TTL: variants seen among roughly 807,000 people sequenced by gnomAD.
TTL encodes tubulin tyrosine ligase, also known as tubulin--tyrosine ligase.
TTL carries 10 observed loss-of-function variants against 41.1 expected under a neutral mutation model. That is an observed-to-expected ratio of 0.24 (90% CI 0.15 to 0.41). The LOEUF is 0.41. TTL is among the 10% of genes least tolerant of loss of function. The probability of loss-of-function intolerance (pLI) is 1.00; values close to 1 mark genes in which losing one functional copy is unlikely to be tolerated. For missense variants in TTL, 367 were observed against 460.4 expected, an observed-to-expected ratio of 0.80 and a Z score of 1.86; for synonymous variants, 175 against 175.5, an observed-to-expected ratio of 1.00 and a Z score of 0.02.
At position 112,534,001 on chromosome 2, in the gene TTL, T is replaced by C. The variant is rs1236409526; in HGVS notation, c.*5206T>C. On this transcript the variant is annotated 3_prime_UTR_variant, in exon 7 of 7. Coordinates refer to ENST00000233336, the MANE Select transcript of TTL (RefSeq NM_153712.5). ...TCTTCCATAAAAGCAATGAGAACAC[T>C]AGCAAAACTGTCTAGACATTAACCA... 6.6e-6 allele frequency: 1 copy of C among 152,046 alleles called. No homozygotes were observed. Among genetic ancestry groups the C allele is most frequent in the Non-Finnish European group, 1.5e-5 (1 of 68,010 alleles). 9.4% of individuals were successfully genotyped at this position (152,046 alleles called of 1,614,324 possible). A position where few individuals can be genotyped will look rare whatever the true frequency, so the allele number is the denominator to read the frequency against.
intron 5 of TTL, among the ~76,000 whole-genome samples, chr2:112,513,090 T>C (rs1681967317): frequency 6.6e-6 from 1 of 152,088 alleles, no homozygotes; most frequent in African/African-American, 2.4e-5. Context: ...GTTCACTAAC[T>C]CTTGCCCTCT....
rs1212649407 is a variant in TTL, at chr2:112,541,161, C to T, written c.*12366C>T. 2 of 151,914 alleles carry T rather than the reference C, an allele frequency of 1.3e-5. No homozygotes were observed. Among genetic ancestry groups the T allele is most frequent in the Non-Finnish European group, 2.9e-5 (2 of 68,010 alleles). 9.4% of individuals were successfully genotyped at this position (151,914 alleles called of 1,614,324 possible). On this transcript the variant is annotated 3_prime_UTR_variant, in exon 7 of 7. Transcript: ENST00000233336. ...AAATTTTTTTTTAAATCCTCATGAC[C>T]TTGGATTACACAATGATGTCTTAGA... is the stretch of plus-strand genomic sequence containing the variant.
intron 5 of TTL, among the ~76,000 whole-genome samples, chr2:112,513,368 C>A (rs955831199): frequency 1.3e-5 from 2 of 151,974 alleles, no homozygotes; most frequent in Non-Finnish European, 2.9e-5. Context: ...GGTATCATTT[C>A]CCTTCAGACT....
chr2:112,512,074 A>G (rs1397889338), intron 5 of TTL, among the ~76,000 whole-genome samples: 7 of 151,410 alleles, frequency 4.6e-5, no homozygotes, highest in Non-Finnish European at 4.4e-5. Flanking sequence ...TGGGTTTTGT[A>G]TTTGTATTTA....
At chr2:112,491,349 T>C (rs558492190) in intron 2 of TTL, among the ~76,000 whole-genome samples, 85 of 152,322 alleles carry the variant, frequency 5.6e-4, no homozygotes, top group African/African-American at 1.9e-3. Context: ...TTGGAAATCC[T>C]TTGAGGCAAA....
chr2:112,485,591 G>A (rs1256142296), intron 1 of TTL, among the ~76,000 whole-genome samples: 3 of 152,154 alleles, frequency 2.0e-5, no homozygotes, highest in African/African-American at 4.8e-5. Flanking sequence ...AGCCAGGAGC[G>A]GAATGCAGTG....
rs760387324 is a variant in TTL, at chr2:112,485,921, C to G, written c.162C>G (p.His54Gln). 6.2e-7 allele frequency: 1 copy of G among 1,611,926 alleles called. No individual in the cohort carries two copies. Among genetic ancestry groups the G allele is most frequent in the African/African-American group, 1.4e-5 (1 of 73,140 alleles). ...RNRLPFGRLG[H>Q]EPGLVQLVNY... is the part of the protein sequence containing the mutation. ...AGCCTCCTCTTTCCTTCCTAGGTCA[C>G]GAGCCCGGGCTGGTACAGTTGGTGA... Residue 54 changes from histidine to glutamine, a missense_variant, in exon 2 of 7, where the codon CAC (histidine) becomes CAG (glutamine). Coordinates refer to ENST00000233336, the MANE Select transcript of TTL (RefSeq NM_153712.5).
In TTL at chr2:112,512,970, T is replaced by G. The variant is rs1027433211; in HGVS notation, c.876-7312T>G. ...TTCTTTTATTTTTTTTTAGTGCTTT[T>G]TTTTTTAGTGCTTGCTCTAGGAATT... On this transcript the variant is annotated intron_variant, in intron 5 of 6. Transcript: ENST00000233336. Among the ~76,000 whole-genome samples, 3 of 152,042 alleles carry G rather than the reference T, an allele frequency of 2.0e-5. No homozygotes were observed. The East Asian group carries it at 5.8e-4, about 29-fold the overall frequency.
In TTL at chr2:112,532,197, C is replaced by A; in HGVS notation, c.*3402C>A. ...AGCAAGGGGAGGTCCAGCCCTCTTG[C>A]AAGTGTGGTGAGAGGCTCTACTAGC... On this transcript the variant is annotated 3_prime_UTR_variant, in exon 7 of 7. Coordinates refer to ENST00000233336, the MANE Select transcript of TTL (RefSeq NM_153712.5). 4.4e-6 allele frequency: 1 copy of A among 226,748 alleles called. No homozygotes were observed. Among genetic ancestry groups the A allele is most frequent in the Non-Finnish European group, 8.8e-6 (1 of 114,068 alleles). The allele number at this position is 226,748 out of a possible 1,614,324, so 14.0% of individuals were successfully genotyped here.
Position 112,525,831 on chromosome 2 carries a change from G to T in TTL, c.1020-2850G>T, listed in dbSNP as rs543907627. Among the ~76,000 whole-genome samples, 9 of 152,262 alleles carry T rather than the reference G, an allele frequency of 5.9e-5. No homozygotes were observed. In the East Asian group the frequency reaches 1.7e-3, roughly 29 times the overall value. The stretch of plus-strand genomic sequence containing the variant: ...AGAACTTCCAACACTATGTTGAATA[G>T]GAGTGGTGAGAGAGGGCATCCCTGT... On this transcript the variant is annotated intron_variant, in intron 6 of 6. Transcript: ENST00000233336.
chr2:112,484,743 A>T (rs1339048359), intron 1 of TTL, among the ~76,000 whole-genome samples: 1 of 152,212 alleles, frequency 6.6e-6, no homozygotes, highest in African/African-American at 2.4e-5. Flanking sequence ...GAATGTAGGC[A>T]GTTCAGGTGG....
intron 5 of TTL, among the ~76,000 whole-genome samples, chr2:112,509,654 TG>T (rs1281673357): frequency 2.0e-5 from 3 of 152,194 alleles, no homozygotes; most frequent in Non-Finnish European, 1.5e-5. Context: ...GGTGAGGCAA[TG>T]CCTCGCCCTG....
chr2:112,489,197 C>T (rs558954743), intron 2 of TTL, among the ~76,000 whole-genome samples: 3 of 152,176 alleles, frequency 2.0e-5, no homozygotes, highest in East Asian at 1.9e-4. Context: ...TTATATTTTA[C>T]GTTCTTTTAT....
Position 112,502,957 on chromosome 2 carries a change from A to G in TTL, c.651A>G (p.Arg217=), listed in dbSNP as rs1681741328. 1.9e-6 allele frequency: 3 copies of G among 1,613,942 alleles called. No individual in the cohort carries two copies. Among genetic ancestry groups the G allele is most frequent in the Admixed American group, 1.7e-5 (1 of 59,984 alleles). The change falls in exon 5 of 7, where the codon AGA becomes AGG. Residue 217 remains arginine (R), a synonymous_variant. Transcript: ENST00000233336. ...ATCAGTATAATATCTACCTCTATAGAGAGGGTGTGCTTCGGACTGCTTCAG... is the reference window on the plus strand; with the variant it reads ...ATCAGTATAATATCTACCTCTATAGGGAGGGTGTGCTTCGGACTGCTTCAG... ...VDHQYNIYLY[R]EGVLRTASEP...
At chr2:112,509,897 G>T (rs1028132699) in intron 5 of TTL, among the ~76,000 whole-genome samples, 1 of 152,186 alleles carries the variant, frequency 6.6e-6, no homozygotes, top group Admixed American at 6.5e-5. Flanking sequence ...GCCTCCCAAA[G>T]TGCTGGGATT....
At position 112,482,246 on chromosome 2, in the gene TTL, C is replaced by A. The variant is rs908947739; in HGVS notation, c.-99C>A. Reference sequence around the variant, plus strand: ...GCCGGCGCGGGCGGCGGGGGCCGGGCCGCGGCGGGCGCCCGGGCGGGGTCC... The same window carrying A: ...GCCGGCGCGGGCGGCGGGGGCCGGGACGCGGCGGGCGCCCGGGCGGGGTCC... On this transcript the variant is annotated 5_prime_UTR_variant, in exon 1 of 7. Transcript: ENST00000233336. This position sits in a 1 kb window ranked among gnomAD's most constrained non-coding sequence, Gnocchi z 5.3. 51 of 901,124 alleles carry A rather than the reference C, an allele frequency of 5.7e-5. No individual in the cohort carries two copies. Among genetic ancestry groups the A allele is most frequent in the Middle Eastern group, 5.6e-4 (1 of 1,800 alleles). The allele number at this position is 901,124 out of a possible 1,614,324, so 55.8% of individuals were successfully genotyped here. A position where few individuals can be genotyped will look rare whatever the true frequency, so the allele number is the denominator to read the frequency against.
intron 5 of TTL, among the ~76,000 whole-genome samples, chr2:112,503,399 G>GTA (rs891235981): frequency 3.2e-5 from 4 of 125,464 alleles, no homozygotes; most frequent in Admixed American, 2.4e-4. Context: ...GTGTGTGTGT[G>GTA]TGTGTATATA....
At chr2:112,526,479 T>C (rs1378578602) in intron 6 of TTL, among the ~76,000 whole-genome samples, 1 of 152,258 alleles carries the variant, frequency 6.6e-6, no homozygotes, top group East Asian at 1.9e-4. Flanking sequence ...GTTATTGGTC[T>C]ATTCAGGGAT....
intron 3 of TTL, among the ~76,000 whole-genome samples, chr2:112,499,097 G>A (rs1681618229): frequency 1.3e-5 from 2 of 152,308 alleles, no homozygotes; most frequent in Admixed American, 1.3e-4. Context: ...TGAATCACCT[G>A]AGGTCAGGAG....
Sources: gnomAD v4.1 joint callset for allele counts (sites outside exome capture counted in the v4.1 genomes callset) on GRCh38, gnomAD v4.1.1 for gene constraint, Gnocchi (gnomAD v3.1) non-coding constraint, MANE v1.5 for transcripts, NCBI Gene and HGNC (gene_info 2026-07-23, HGNC 2026-07-21) for gene names.